PTPRT: variants seen among roughly 807,000 people sequenced by gnomAD.
PTPRT encodes the protein protein tyrosine phosphatase receptor type T.
A neutral mutation model predicts 176.8 loss-of-function variants in PTPRT; 56 were observed. The ratio of observed to expected loss-of-function variants is 0.32; its 90% CI spans 0.26 to 0.40. The LOEUF (loss-of-function observed/expected upper bound fraction) is 0.40. Ranked by LOEUF, PTPRT falls within the 10% of genes least tolerant of loss-of-function variation. The pLI is 1.00. For synonymous variants in PTPRT, 783 were observed against 739.0 expected (o/e 1.06, Z -0.96); for missense variants, 1,540 against 1,908.2 (o/e 0.81, Z 3.60).
At chr20:42,872,147 T>C (rs1271515668) in intron 2 of PTPRT, among the ~76,000 whole-genome samples, 1 of 152,216 alleles carries the variant, frequency 6.6e-6, no homozygotes, top group African/African-American at 2.4e-5. Flanking sequence ...TGAGGAAAGT[T>C]TTAAAAACAG....
At chr20:42,419,591 G>T (rs1231048374) in intron 9 of PTPRT, among the ~76,000 whole-genome samples, 1 of 152,074 alleles carries the variant, frequency 6.6e-6, no homozygotes, top group African/African-American at 2.4e-5. Flanking sequence ...GGGTAAGGCA[G>T]CTTTGAGTAC....
chr20:42,720,562 T>C (rs1426418949), intron 6 of PTPRT, among the ~76,000 whole-genome samples: 1 of 152,156 alleles, frequency 6.6e-6, no homozygotes, highest in Admixed American at 6.5e-5. Flanking sequence ...GTCACCAGAA[T>C]ATATGTGTCC....
intron 1 of PTPRT, among the ~76,000 whole-genome samples, chr20:43,003,749 T>C (rs910234914): frequency 6.6e-6 from 1 of 152,226 alleles, no homozygotes; most frequent in East Asian, 1.9e-4. Context: ...TGAATCACCA[T>C]CTGTATTTTA....
rs1319892168 is a variant in PTPRT at position 43,111,366 on chromosome 20, C to T, written c.88+78280G>A. On this transcript the variant is annotated intron_variant, in intron 1 of 30. Coordinates refer to ENST00000373187, the MANE Select transcript of PTPRT (RefSeq NM_007050.6). The stretch of plus-strand genomic sequence containing the variant: ...CAGCCTGGCCAACAAAGTGAAACCC[C>T]GTCTCTGCTAAAAAAAAAAATACAA... 3.3e-5 allele frequency among the ~76,000 whole-genome samples: 5 copies of T among 151,710 alleles called. No homozygotes were observed. The South Asian group carries it at 8.3e-4, about 25-fold the overall frequency.
intron 1 of PTPRT, among the ~76,000 whole-genome samples, chr20:42,980,851 T>C (rs1385196248): frequency 1.3e-5 from 2 of 152,204 alleles, no homozygotes; most frequent in African/African-American, 2.4e-5. Flanking sequence ...TTACTAGTTT[T>C]ACAACCCAAG....
At chr20:42,176,654 A>G (rs1213418779) in intron 16 of PTPRT, among the ~76,000 whole-genome samples, 5 of 152,234 alleles carry the variant, frequency 3.3e-5, no homozygotes, top group African/African-American at 1.2e-4. Context: ...CCTATTTTCT[A>G]TCTCTCATTC....
intron 2 of PTPRT, among the ~76,000 whole-genome samples, chr20:42,837,176 A>C (rs1008284623): frequency 6.6e-6 from 1 of 152,176 alleles, no homozygotes; most frequent in Non-Finnish European, 1.5e-5. Flanking sequence ...CCCTGGATTC[A>C]GCTCCAGTTC....
At chr20:42,160,884 C>A (rs1298305166) in intron 17 of PTPRT, among the ~76,000 whole-genome samples, 1 of 152,028 alleles carries the variant, frequency 6.6e-6, no homozygotes, top group Non-Finnish European at 1.5e-5. Flanking sequence ...ACCAGAATAC[C>A]ACAGAAGCTT....
At chr20:42,445,524 G>T (rs2059354534) in intron 9 of PTPRT, among the ~76,000 whole-genome samples, 1 of 152,126 alleles carries the variant, frequency 6.6e-6, no homozygotes, top group Admixed American at 6.5e-5. Context: ...TGATACACAA[G>T]ATTACACTCA....
chr20:42,468,945 C>T (rs2071146055), intron 8 of PTPRT, among the ~76,000 whole-genome samples: 1 of 152,160 alleles, frequency 6.6e-6, no homozygotes, highest in Non-Finnish European at 1.5e-5. Flanking sequence ...ACTTTTTGAG[C>T]ATCTACAGTG....
At chr20:43,085,957 A>C (rs2011591835) in intron 1 of PTPRT, among the ~76,000 whole-genome samples, 2 of 150,830 alleles carry the variant, frequency 1.3e-5, no homozygotes, top group African/African-American at 2.4e-5. Flanking sequence ...TGTCTTCCCC[A>C]CCCCCCCACA....
At chr20:42,340,513 A>G (rs2058096726) in intron 11 of PTPRT, among the ~76,000 whole-genome samples, 1 of 152,248 alleles carries the variant, frequency 6.6e-6, no homozygotes, top group African/African-American at 2.4e-5. Flanking sequence ...CAGGGCTTTC[A>G]GAATCACTTC....
At chr20:42,318,576 T>C (rs2057753953) in intron 11 of PTPRT, among the ~76,000 whole-genome samples, 2 of 152,118 alleles carry the variant, frequency 1.3e-5, no homozygotes, top group South Asian at 4.1e-4. Flanking sequence ...GAACACTGCA[T>C]TGGATTTGGG....
chr20:42,708,224 A>G (rs974057210), intron 6 of PTPRT, among the ~76,000 whole-genome samples: 3 of 152,208 alleles, frequency 2.0e-5, no homozygotes, highest in Non-Finnish European at 4.4e-5. Flanking sequence ...TGACAGGATT[A>G]TTAGTTCAAA....
chr20:42,109,592 G>A (rs1204114702), intron 23 of PTPRT, among the ~76,000 whole-genome samples: 2 of 152,174 alleles, frequency 1.3e-5, no homozygotes, highest in East Asian at 3.9e-4. Context: ...AAAGAAGCAT[G>A]CTTCCACCAA....
intron 1 of PTPRT, among the ~76,000 whole-genome samples, chr20:43,166,439 C>A (rs1204927455): frequency 6.6e-6 from 1 of 151,936 alleles, no homozygotes; most frequent in Non-Finnish European, 1.5e-5. Context: ...TAAAGATTTC[C>A]TCATTTTCTT....
the PTPRT span, among the ~76,000 whole-genome samples, chr20:42,042,687 G>T: frequency 2.0e-5 from 3 of 152,174 alleles, no homozygotes; most frequent in Admixed American, 6.5e-5. Context: ...ACAAAAATAA[G>T]GCTACTGCCC....
chr20:42,765,038 T>A (rs1020582344), intron 5 of PTPRT, among the ~76,000 whole-genome samples: 1 of 152,226 alleles, frequency 6.6e-6, no homozygotes, highest in Non-Finnish European at 1.5e-5. Flanking sequence ...CTGTTGCAGC[T>A]GCTGGAGTGC....
At chr20:43,172,268 A>G (rs2015019950) in intron 1 of PTPRT, among the ~76,000 whole-genome samples, 1 of 152,246 alleles carries the variant, frequency 6.6e-6, no homozygotes, top group African/African-American at 2.4e-5. Flanking sequence ...TCCAAAACTG[A>G]CAAACAGCTC....
Sources: allele counts gnomAD v4.1 joint callset (sites outside exome capture counted in the v4.1 genomes callset), GRCh38; gene constraint gnomAD v4.1.1; transcripts MANE v1.5; gene names NCBI Gene and HGNC (gene_info 2026-07-23, HGNC 2026-07-21).